TGFA: variants seen among roughly 807,000 people sequenced by gnomAD.
The protein encoded by TGFA is protransforming growth factor alpha.
TGFA carries 12 observed loss-of-function variants against 21.7 expected under a neutral mutation model. The observed-to-expected ratio is 0.55, with a 90% CI of 0.35 to 0.90. The LOEUF (loss-of-function observed/expected upper bound fraction) is 0.90, where lower values mean the gene tolerates loss of function less well. Among genes scored for constraint, TGFA ranks in the 40% least tolerant of loss-of-function variants. The probability of loss-of-function intolerance (pLI) is 0.01; values close to 1 mark genes in which losing one functional copy is unlikely to be tolerated. For missense variants in TGFA, 178 were observed against 210.8 expected, an observed-to-expected ratio of 0.84 and a Z score of 0.96; for synonymous variants, 79 against 88.1, an observed-to-expected ratio of 0.90 and a Z score of 0.58.
At chr2:70,553,517 T>C (rs1673581768) in intron 1 of TGFA, 1 of 1,374,206 alleles carries the variant, frequency 7.3e-7, no homozygotes, top group African/African-American at 1.5e-5. Flanking sequence ...GCAGCCACTT[T>C]CCCGGGGAAG....
At chr2:70,501,679 T>A (rs571393980) in intron 2 of TGFA, among the ~76,000 whole-genome samples, 68 of 152,274 alleles carry the variant, frequency 4.5e-4, no homozygotes, top group African/African-American at 1.6e-3. Context: ...TAGCTCTAGT[T>A]CCCCAATTAG....
chr2:70,503,605 C>T (rs1671808596), intron 2 of TGFA, among the ~76,000 whole-genome samples: 1 of 151,330 alleles, frequency 6.6e-6, no homozygotes, highest in African/African-American at 2.4e-5. Context: ...AGAAACTTGC[C>T]TAAGGTCATA....
intron 1 of TGFA, among the ~76,000 whole-genome samples, chr2:70,545,249 G>A (rs575842395): frequency 2.0e-5 from 3 of 152,092 alleles, no homozygotes; most frequent in South Asian, 2.1e-4. Flanking sequence ...CAAAGAAGAC[G>A]AAGATGAAGA....
At chr2:70,478,617 A>G (rs1043168855) in intron 2 of TGFA, among the ~76,000 whole-genome samples, 1 of 152,248 alleles carries the variant, frequency 6.6e-6, no homozygotes, top group Non-Finnish European at 1.5e-5. Context: ...CACATCAAAC[A>G]ACTTTTTATA....
At chr2:70,537,051 G>A (rs1352659926) in intron 1 of TGFA, among the ~76,000 whole-genome samples, 2 of 146,950 alleles carry the variant, frequency 1.4e-5, no homozygotes, top group African/African-American at 2.5e-5. Flanking sequence ...AACAGCAAGC[G>A]CTCACTTCGT....
intron 1 of TGFA, among the ~76,000 whole-genome samples, chr2:70,530,826 G>T (rs929860735): frequency 6.6e-6 from 1 of 152,216 alleles, no homozygotes. Context: ...AAGCAAACAG[G>T]CTCGGTGCTG....
intron 1 of TGFA, among the ~76,000 whole-genome samples, chr2:70,525,410 C>T (rs1282116453): frequency 6.6e-6 from 1 of 152,136 alleles, no homozygotes; most frequent in Admixed American, 6.5e-5. Context: ...CACAGGACAC[C>T]CCTTAGGCAT....
At chr2:70,484,543 G>C (rs1375424303) in intron 2 of TGFA, among the ~76,000 whole-genome samples, 1 of 152,068 alleles carries the variant, frequency 6.6e-6, no homozygotes, top group African/African-American at 2.4e-5. Context: ...TTTTCTTTTA[G>C]GGAATTACCT....
chr2:70,536,461 C>T (rs982065550), intron 1 of TGFA, among the ~76,000 whole-genome samples: 1 of 152,100 alleles, frequency 6.6e-6, no homozygotes, highest in Non-Finnish European at 1.5e-5. Flanking sequence ...ATAAAATATA[C>T]CTTAACACAT....
At chr2:70,505,080 T>C (rs1671878914) in intron 2 of TGFA, among the ~76,000 whole-genome samples, 1 of 152,242 alleles carries the variant, frequency 6.6e-6, no homozygotes, top group African/African-American at 2.4e-5. Context: ...TAAGTGTTAG[T>C]TCATATTATT....
In TGFA at chr2:70,507,558, G is replaced by T. The variant is rs1671965016; in HGVS notation, c.94+7301C>A. Reference sequence around the variant, plus strand: ...AACTATTTTCCTCTTGTTGACATTGGCTACTTTTCACTCTACTGGATAATA... The same window carrying T: ...AACTATTTTCCTCTTGTTGACATTGTCTACTTTTCACTCTACTGGATAATA... On this transcript the variant is annotated intron_variant, in intron 2 of 5. Coordinates refer to ENST00000295400, the MANE Select transcript of TGFA (RefSeq NM_003236.4). Among the ~76,000 whole-genome samples, 4 of 152,090 alleles carry T rather than the reference G, an allele frequency of 2.6e-5. No homozygotes were observed. In the South Asian group the frequency reaches 8.3e-4, roughly 32 times the overall value.
rs1278742150 is a variant in TGFA, at chr2:70,448,898, T to C, written c.*1961A>G. 6.6e-6 allele frequency: 1 copy of C among 152,372 alleles called. No homozygotes were observed. Among genetic ancestry groups the C allele is most frequent in the African/African-American group, 2.4e-5 (1 of 41,586 alleles). 9.4% of individuals were successfully genotyped at this position (152,372 alleles called of 1,614,324 possible). A position where few individuals can be genotyped will look rare whatever the true frequency, so the allele number is the denominator to read the frequency against. On this transcript the variant is annotated 3_prime_UTR_variant, in exon 6 of 6. Coordinates refer to ENST00000295400, the MANE Select transcript of TGFA (RefSeq NM_003236.4). ...TGCTTCCGCCATCTGTCCAGCCTCA[T>C]TCCTACGCCTCTGCAAAGTCTCTTG...
intron 2 of TGFA, among the ~76,000 whole-genome samples, chr2:70,469,469 G>A (rs1174340464): frequency 6.6e-6 from 1 of 152,078 alleles, no homozygotes; most frequent in African/African-American, 2.4e-5. Flanking sequence ...AGAGTAGCTG[G>A]GATTAACAGG....
In TGFA at chr2:70,553,581, G is replaced by A. The variant is rs534012241; in HGVS notation, c.40+147C>T. 5 of 1,310,446 alleles carry A rather than the reference G, an allele frequency of 3.8e-6. No individual in the cohort carries two copies. In the East Asian group the frequency reaches 1.5e-4, roughly 39 times the overall value. 81.2% of individuals were successfully genotyped at this position (1,310,446 alleles called of 1,614,324 possible). On this transcript the variant is annotated intron_variant, in intron 1 of 5. Coordinates refer to ENST00000295400, the MANE Select transcript of TGFA (RefSeq NM_003236.4). ...TTTGTCATTCTTAATGACTCCCCTT[G>A]CCTCCCAGGCGCCAACCCATTGAGA...
chr2:70,487,855 T>G (rs560820055), intron 2 of TGFA, among the ~76,000 whole-genome samples: 1 of 152,218 alleles, frequency 6.6e-6, no homozygotes, highest in Non-Finnish European at 1.5e-5. Flanking sequence ...GTAGAATTAG[T>G]GTGGCAAAGG....
At chr2:70,455,512 A>T (rs1384090529) in intron 4 of TGFA, among the ~76,000 whole-genome samples, 1 of 152,144 alleles carries the variant, frequency 6.6e-6, no homozygotes, top group African/African-American at 2.4e-5. Flanking sequence ...CTGTCCTGTG[A>T]CTTCTTTGTG....
chr2:70,513,762 G>C lies in TGFA; in HGVS notation c.94+1097C>G, dbSNP rs139075335. ...GGCTACAGAATTTATGAATAGGTAA[G>C]AAACCCGCCCCCTCCCACTGGAACC... On this transcript the variant is annotated intron_variant, in intron 2 of 5. Transcript: ENST00000295400. 5.5e-3 allele frequency among the ~76,000 whole-genome samples: 845 copies of C among 152,312 alleles called. 5 individuals carry two copies. Among genetic ancestry groups the C allele is most frequent in the Non-Finnish European group, 9.2e-3 (623 of 68,024 alleles).
At chr2:70,509,900 A>T (rs140344897) in intron 2 of TGFA, among the ~76,000 whole-genome samples, 2 of 152,312 alleles carry the variant, frequency 1.3e-5, no homozygotes, top group African/African-American at 4.8e-5. Context: ...AGGGGCATTT[A>T]AAAGTGTCTT....
chr2:70,451,016 A>G, intron 5 of TGFA, 150 bp from the exon 6 acceptor site: 1 of 890,796 alleles, frequency 1.1e-6, no homozygotes, highest in Non-Finnish European at 1.8e-6. Context: ...CTGCTGGTTC[A>G]GTCTCAGGGA....
Sources: gnomAD v4.1 joint callset for allele counts (sites outside exome capture counted in the v4.1 genomes callset) on GRCh38, gnomAD v4.1.1 for gene constraint, MANE v1.5 for transcripts, NCBI Gene and HGNC (gene_info 2026-07-23, HGNC 2026-07-21) for gene names.